CNTN5: variants seen among roughly 807,000 people sequenced by gnomAD.
The protein encoded by CNTN5 is contactin 5, also known as contactin-5.
A neutral mutation model predicts 129.1 loss-of-function variants in CNTN5; 77 were observed. That is an observed-to-expected ratio of 0.60 (90% CI 0.50 to 0.72). CNTN5 has a LOEUF of 0.72. CNTN5 is among the 30% of genes least tolerant of loss of function. The probability of loss-of-function intolerance (pLI) is 0.00; values close to 1 mark genes in which losing one functional copy is unlikely to be tolerated. For missense variants in CNTN5, 1,478 were observed against 1,328.8 expected, an observed-to-expected ratio of 1.11 and a Z score of -1.75; for synonymous variants, 509 against 465.6, an observed-to-expected ratio of 1.09 and a Z score of -1.20.
At chr11:99,498,869 G>A (rs370018316) in intron 2 of CNTN5, among the ~76,000 whole-genome samples, 7 of 152,156 alleles carry the variant, frequency 4.6e-5, no homozygotes, top group Admixed American at 3.9e-4. Flanking sequence ...AGCCATTTTT[G>A]TAATTAGGGA....
intron 2 of CNTN5, among the ~76,000 whole-genome samples, chr11:99,327,083 T>C (rs1297826595): frequency 6.6e-6 from 1 of 152,166 alleles, no homozygotes; most frequent in Non-Finnish European, 1.5e-5. Flanking sequence ...TTCTGAGATA[T>C]CTGTGACTAC....
At position 100,033,888 on chromosome 11, in the gene CNTN5, T is replaced by G. The variant is rs11222453; in HGVS notation, c.981-27324T>G. The stretch of plus-strand genomic sequence containing the variant: ...ATAATTGAAAGTCTCGGACAAAAGA[T>G]TGTTTCACTTGCTAACTTCAGATCT... On this transcript the variant is annotated intron_variant, in intron 9 of 24. Coordinates refer to ENST00000524871, the MANE Select transcript of CNTN5 (RefSeq NM_014361.4). Among the ~76,000 whole-genome samples the G allele has an allele frequency of 2.0e-3, 300 of 152,290 alleles. 1 individual carries two copies. The highest frequency in any genetic ancestry group is 7.1e-3 in the African/African-American group (293 of 41,556).
At chr11:99,336,916 A>G (rs565311554) in intron 2 of CNTN5, among the ~76,000 whole-genome samples, 5 of 152,310 alleles carry the variant, frequency 3.3e-5, no homozygotes, top group Admixed American at 3.3e-4. Context: ...ATGACAATTC[A>G]CAATAGTAAA....
In CNTN5 at chr11:100,061,374, T is replaced by C; in HGVS notation, c.1143T>C (p.Arg381=). The C allele has an allele frequency of 6.3e-7, 1 of 1,599,100 alleles. No individual in the cohort carries two copies. The highest frequency in any genetic ancestry group is 8.6e-7 in the Non-Finnish European group (1 of 1,168,510). ...AENSRGKNSF[R]GQLQVYTYPH... ...ACTCACGTGGAAAAAATTCCTTTCG[T>C]GGACAATTACAAGTATACAGTAAGT... The change falls in exon 10 of 25, where the codon CGT becomes CGC. Residue 381 remains arginine, a synonymous_variant. Coordinates refer to ENST00000524871, the MANE Select transcript of CNTN5 (RefSeq NM_014361.4).
intron 1 of CNTN5, among the ~76,000 whole-genome samples, chr11:99,171,783 GTTA>G (rs1324962984): frequency 1.3e-5 from 2 of 152,050 alleles, no homozygotes; most frequent in African/African-American, 4.8e-5. Context: ...TACTCTTTCT[GTTA>G]TTATCATTAA....
chr11:100,275,096 CA>C (rs386374656), intron 18 of CNTN5, among the ~76,000 whole-genome samples: 19 of 148,960 alleles, frequency 1.3e-4, no homozygotes, highest in African/African-American at 1.7e-4. Flanking sequence ...ATTAAACAAC[CA>C]AAAAAAAAAG....
chr11:99,714,376 A>G (rs1327349581), intron 3 of CNTN5, among the ~76,000 whole-genome samples: 5 of 151,944 alleles, frequency 3.3e-5, no homozygotes, highest in Non-Finnish European at 7.4e-5. Context: ...CTGCTTACAG[A>G]AGAAAATAAC....
In CNTN5 at chr11:100,072,990, C is replaced by CAAAAAAAAAAAAAAAAAAAAAA. The variant is rs61042118; in HGVS notation, c.1430-1133_1430-1132insAAAAAAAAAAAAAAAAAAAAAA. 1.4e-4 allele frequency among the ~76,000 whole-genome samples: 11 copies of CAAAAAAAAAAAAAAAAAAAAAA among 79,074 alleles called. 1 individual carries two copies. The highest frequency in any genetic ancestry group is 6.1e-4 in the African/African-American group (10 of 16,522). The allele number at this position is 79,074 out of a possible 152,430, so 51.9% of individuals were successfully genotyped here. On this transcript the variant is annotated intron_variant, in intron 12 of 24. Transcript: ENST00000524871. ...TTTTGTAAATTCTATTCCCAGGAGGCAAAAAAAAAAAAAAAAAAAAAGTTA... is the reference window on the plus strand; with the variant it reads ...TTTTGTAAATTCTATTCCCAGGAGGCAAAAAAAAAAAAAAAAAAAAAAAAAAAAAAAAAAAAAAAAAAAGTTA...
At chr11:100,001,488 C>A (rs1939873752) in intron 8 of CNTN5, among the ~76,000 whole-genome samples, 2 of 152,150 alleles carry the variant, frequency 1.3e-5, no homozygotes, top group African/African-American at 4.8e-5. Context: ...CACTTCTTAT[C>A]TTTCATTACA....
chr11:99,915,716 G>C (rs908195236), intron 6 of CNTN5, among the ~76,000 whole-genome samples: 9 of 152,130 alleles, frequency 5.9e-5, no homozygotes, highest in African/African-American at 2.2e-4. Context: ...ATGAGAGAAT[G>C]GGCGTTATTG....
At position 99,845,939 on chromosome 11, in the gene CNTN5, A is replaced by C. The variant is rs991153957; in HGVS notation, c.577+677A>C. On this transcript the variant is annotated intron_variant, in intron 6 of 24. Transcript: ENST00000524871. Reference sequence around the variant, plus strand: ...TCCTTTTTAAGATATCTATAATTCTACTAACTACTATAGTCACCATTTGCT... The same window carrying C: ...TCCTTTTTAAGATATCTATAATTCTCCTAACTACTATAGTCACCATTTGCT... 5.3e-5 allele frequency among the ~76,000 whole-genome samples: 8 copies of C among 152,238 alleles called. No individual in the cohort carries two copies. In the East Asian group the frequency reaches 1.4e-3, roughly 26 times the overall value.
intron 1 of CNTN5, among the ~76,000 whole-genome samples, chr11:99,109,543 T>A (rs939627189): frequency 6.6e-6 from 1 of 152,212 alleles, no homozygotes; most frequent in Non-Finnish European, 1.5e-5. Flanking sequence ...TAAGCCATTA[T>A]ACTCTTGTAT....
At chr11:99,728,727 A>G (rs1417921511) in intron 3 of CNTN5, among the ~76,000 whole-genome samples, 4 of 152,170 alleles carry the variant, frequency 2.6e-5, no homozygotes, top group Non-Finnish European at 5.9e-5. Flanking sequence ...AGTCACCAAA[A>G]TTGGAGTTGG....
intron 1 of CNTN5, among the ~76,000 whole-genome samples, chr11:99,197,813 A>T (rs997427254): frequency 6.6e-6 from 1 of 152,092 alleles, no homozygotes; most frequent in Non-Finnish European, 1.5e-5. Flanking sequence ...ACAAGGATTA[A>T]CTTGTTTGAT....
chr11:99,440,777 A>C (rs1943795015), intron 2 of CNTN5, among the ~76,000 whole-genome samples: 3 of 152,168 alleles, frequency 2.0e-5, no homozygotes, highest in Admixed American at 2.0e-4. Context: ...AAGTGCATAG[A>C]TATGTCCAGG....
In CNTN5 at chr11:99,279,486, C is replaced by T. The variant is rs118041655; in HGVS notation, c.-209-45860C>T. Among the ~76,000 whole-genome samples, 27 of 151,898 alleles carry T rather than the reference C, an allele frequency of 1.8e-4. 1 individual carries two copies. In the East Asian group the frequency reaches 5.1e-3, roughly 28 times the overall value. ...ATCTGCTAATGAGGAATGCCAGTAACTCCTAGTTCCTGACACTGCTTTCCA... is the reference window on the plus strand; with the variant it reads ...ATCTGCTAATGAGGAATGCCAGTAATTCCTAGTTCCTGACACTGCTTTCCA... On this transcript the variant is annotated intron_variant, in intron 1 of 24. Coordinates refer to ENST00000524871, the MANE Select transcript of CNTN5 (RefSeq NM_014361.4).
intron 6 of CNTN5, among the ~76,000 whole-genome samples, chr11:99,856,412 G>A (rs1948035850): frequency 6.6e-6 from 1 of 152,140 alleles, no homozygotes; most frequent in Non-Finnish European, 1.5e-5. Flanking sequence ...AATACCCTCA[G>A]ACAGTGGACT....
chr11:99,021,677 C>T (rs868324370), intron 1 of CNTN5, among the ~76,000 whole-genome samples: 3 of 152,262 alleles, frequency 2.0e-5, no homozygotes, highest in Middle Eastern at 3.4e-3. Context: ...TATGTTTGAG[C>T]AATGAGTTTC....
intron 1 of CNTN5, among the ~76,000 whole-genome samples, chr11:99,087,650 A>G (rs2135305279): frequency 6.6e-6 from 1 of 152,346 alleles, no homozygotes; most frequent in Middle Eastern, 3.4e-3. Flanking sequence ...GACCCAGAGT[A>G]TACCTTTGTC....
Sources: gnomAD v4.1 joint callset for allele counts (sites outside exome capture counted in the v4.1 genomes callset) on GRCh38, gnomAD v4.1.1 for gene constraint, MANE v1.5 for transcripts, NCBI Gene and HGNC (gene_info 2026-07-23, HGNC 2026-07-21) for gene names.